Variants in TMOD1 observed in about 807,000 individuals in gnomAD.
The protein encoded by TMOD1 is tropomodulin 1.
A neutral mutation model predicts 40.6 loss-of-function variants in TMOD1; 17 were observed. That is an observed-to-expected ratio of 0.42 (90% CI 0.29 to 0.63). The LOEUF is 0.63. Ranked by LOEUF, TMOD1 falls within the 20% of genes least tolerant of loss-of-function variation. The pLI, the probability that TMOD1 is intolerant of heterozygous loss-of-function variation, is 0.22. For missense variants in TMOD1, 391 were observed against 447.6 expected (o/e 0.87, Z 1.14); for synonymous variants, 181 against 175.0 (o/e 1.03, Z -0.27).
At chr9:97,567,539 C>CCAG (rs1830746753) in intron 7 of TMOD1, among the ~76,000 whole-genome samples, 1 of 152,216 alleles carries the variant, frequency 6.6e-6, no homozygotes, top group Admixed American at 6.5e-5. Flanking sequence ...TGCTCAGCCA[C>CCAG]CAGCATGTCC....
intron 8 of TMOD1, among the ~76,000 whole-genome samples, chr9:97,586,781 G>A (rs368847811): frequency 7.9e-5 from 12 of 151,664 alleles, no homozygotes; most frequent in African/African-American, 2.7e-4. Flanking sequence ...GGTGCCGTCC[G>A]TCACCCCTTT....
chr9:97,527,465 A>G (rs145292207), intron 2 of TMOD1, among the ~76,000 whole-genome samples: 1 of 152,336 alleles, frequency 6.6e-6, no homozygotes, highest in East Asian at 1.9e-4. Flanking sequence ...GCAAGGCATC[A>G]CAGAGCAGGT....
In TMOD1 at chr9:97,600,602, G is replaced by A. The variant is rs192473890; in HGVS notation, c.*904G>A. The A allele has an allele frequency of 2.2e-4, 216 of 986,664 alleles. 1 individual carries two copies. In the African/African-American group the frequency reaches 3.6e-3, roughly 17 times the overall value. 61.1% of individuals were successfully genotyped at this position (986,664 alleles called of 1,614,324 possible). A position where few individuals can be genotyped will look rare whatever the true frequency, so the allele number is the denominator to read the frequency against. ...AAATTTCCAGATCAACATGGCTATG[G>A]TATTTAGTAATGGCCCAGCTTAGAG... On this transcript the variant is annotated 3_prime_UTR_variant, in exon 10 of 10. Coordinates refer to ENST00000259365, the MANE Select transcript of TMOD1 (RefSeq NM_003275.4).
intron 2 of TMOD1, among the ~76,000 whole-genome samples, chr9:97,532,572 A>T (rs1011385579): frequency 1.3e-5 from 2 of 152,144 alleles, no homozygotes; most frequent in African/African-American, 4.8e-5. Flanking sequence ...CATCATCTGA[A>T]TTTAGCAAAT....
rs529007654 is a variant in TMOD1, at chr9:97,544,301, G to T, written c.121-1884G>T. 3.4e-4 allele frequency among the ~76,000 whole-genome samples: 52 copies of T among 152,284 alleles called. 1 individual carries two copies. In the South Asian group the frequency reaches 0.011, roughly 32 times the overall value. ...GCCTGTAATCCCAGGGCTTAGGAAGGCCGAGGTGGGTGGATCATGAGGTCA... is the reference window on the plus strand; with the variant it reads ...GCCTGTAATCCCAGGGCTTAGGAAGTCCGAGGTGGGTGGATCATGAGGTCA... On this transcript the variant is annotated intron_variant, in intron 2 of 9. Transcript: ENST00000259365.
intron 9 of TMOD1, among the ~76,000 whole-genome samples, chr9:97,594,035 T>G (rs1826053870): frequency 6.6e-6 from 1 of 152,146 alleles, no homozygotes; most frequent in Non-Finnish European, 1.5e-5. Flanking sequence ...TTTGGGTGGC[T>G]GCAGCCCAAG....
intron 9 of TMOD1, among the ~76,000 whole-genome samples, chr9:97,599,144 A>C (rs1232850584): frequency 6.6e-6 from 1 of 152,190 alleles, no homozygotes; most frequent in Admixed American, 6.5e-5. Context: ...GGAAAATGGC[A>C]AGGTTAAACA....
intron 8 of TMOD1, among the ~76,000 whole-genome samples, chr9:97,581,564 C>T (rs1196043432): frequency 1.5e-4 from 23 of 151,576 alleles, no homozygotes; most frequent in East Asian, 2.0e-4. Flanking sequence ...CCTGAGGAAT[C>T]GCCACACTGA....
chr9:97,556,260 T>G (rs62560477), intron 4 of TMOD1, among the ~76,000 whole-genome samples: 31,927 of 151,930 alleles, frequency 0.21, 3,462 homozygotes, highest in South Asian at 0.31. Flanking sequence ...ATGGTACCAG[T>G]CTTTCTAGCC....
intron 8 of TMOD1, among the ~76,000 whole-genome samples, chr9:97,580,397 G>A (rs556992419): frequency 3.9e-5 from 6 of 152,210 alleles, no homozygotes; most frequent in South Asian, 2.1e-4. Context: ...ACTTGAGGCC[G>A]AGTTCGAGAC....
intron 2 of TMOD1, among the ~76,000 whole-genome samples, chr9:97,544,166 C>T (rs563990124): frequency 3.9e-5 from 6 of 152,264 alleles, no homozygotes; most frequent in African/African-American, 7.2e-5. Context: ...GATCACACCC[C>T]GGTCTCCTGA....
At chr9:97,594,028 G>A (rs989435802) in intron 9 of TMOD1, among the ~76,000 whole-genome samples, 3 of 152,256 alleles carry the variant, frequency 2.0e-5, no homozygotes, top group Non-Finnish European at 4.4e-5. Flanking sequence ...GTAGGTGTTT[G>A]GGTGGCTGCA....
intron 8 of TMOD1, among the ~76,000 whole-genome samples, chr9:97,580,431 C>G (rs1393670459): frequency 1.3e-5 from 2 of 152,034 alleles, no homozygotes; most frequent in Non-Finnish European, 2.9e-5. Context: ...ATAGTGAAAT[C>G]CCATCTCTAC....
chr9:97,574,171 C>T (rs1830871390), intron 8 of TMOD1, among the ~76,000 whole-genome samples: 1 of 152,142 alleles, frequency 6.6e-6, no homozygotes, highest in African/African-American at 2.4e-5. Context: ...CCTTTCTGGG[C>T]TGGGCAAGGC....
chr9:97,576,886 A>G (rs951791977), intron 8 of TMOD1, among the ~76,000 whole-genome samples: 5 of 151,774 alleles, frequency 3.3e-5, no homozygotes, highest in Non-Finnish European at 5.9e-5. Flanking sequence ...TGATCCGCCC[A>G]CCTCGGCCTC....
At chr9:97,506,252 T>G (rs1354777610) in intron 1 of TMOD1, among the ~76,000 whole-genome samples, 1 of 152,174 alleles carries the variant, frequency 6.6e-6, no homozygotes, top group Admixed American at 6.5e-5. Context: ...CAGAGTGTGT[T>G]CTAAATGGAA....
Position 97,591,285 on chromosome 9 carries a change from C to A in TMOD1, c.871-6C>A. 6.2e-7 allele frequency: 1 copy of A among 1,611,598 alleles called. No individual in the cohort carries two copies. The highest frequency in any genetic ancestry group is 8.5e-7 in the Non-Finnish European group (1 of 1,179,058). ...TTTTTTATTTTTTATTTTTTCTTGA[C>A]TAAAGAGCCAGCCCCTGGGCAACAA... On this transcript the variant is annotated splice_polypyrimidine_tract_variant and splice_region_variant and intron_variant, in intron 8 of 9. Transcript: ENST00000259365.
At chr9:97,534,982 G>A (rs536611621) in intron 2 of TMOD1, among the ~76,000 whole-genome samples, 22 of 152,346 alleles carry the variant, frequency 1.4e-4, no homozygotes, top group East Asian at 3.9e-4. Flanking sequence ...AGTGCAGGGC[G>A]TGGCTGTGGA....
At chr9:97,546,078 G>A in intron 2 of TMOD1, 107 bp from the exon 3 acceptor site, 7 of 1,345,592 alleles carry the variant, frequency 5.2e-6, no homozygotes, top group Non-Finnish European at 7.0e-6. Flanking sequence ...GGTCCCTTCT[G>A]TTCGATGATG....
Sources: allele counts gnomAD v4.1 joint callset (sites outside exome capture counted in the v4.1 genomes callset), GRCh38; gene constraint gnomAD v4.1.1; transcripts MANE v1.5; gene names NCBI Gene and HGNC (gene_info 2026-07-23, HGNC 2026-07-21).